GRID2: variants seen among roughly 807,000 people sequenced by gnomAD.
The protein encoded by GRID2 is glutamate receptor ionotropic, delta-2.
A neutral mutation model predicts 114.8 loss-of-function variants in GRID2; 33 were observed. The observed-to-expected ratio is 0.29, with a 90% CI of 0.22 to 0.38. GRID2 has a LOEUF of 0.38. Ranked by LOEUF, GRID2 falls within the 10% of genes least tolerant of loss-of-function variation. GRID2 has a pLI of 1.00. For synonymous variants in GRID2, 505 were observed against 449.9 expected (o/e 1.12, Z -1.55); for missense variants, 1,184 against 1,257.7 (o/e 0.94, Z 0.89).
chr4:92,943,346 T>C (rs1751330243), intron 2 of GRID2, among the ~76,000 whole-genome samples: 1 of 152,192 alleles, frequency 6.6e-6, no homozygotes, highest in Non-Finnish European at 1.5e-5. Flanking sequence ...CCATCACTGA[T>C]ACCCTTTCTT....
At position 92,483,613 on chromosome 4, in the gene GRID2, A is replaced by G. The variant is rs539091892; in HGVS notation, c.89-106518A>G. 1.2e-4 allele frequency among the ~76,000 whole-genome samples: 18 copies of G among 152,270 alleles called. No individual in the cohort carries two copies. The East Asian group carries it at 3.3e-3, about 28-fold the overall frequency. ...CACCAACCACAAGATTCAGGGAGCA[A>G]TCAGATTTCAGAATGTGATTACCAA... On this transcript the variant is annotated intron_variant, in intron 1 of 15. Coordinates refer to ENST00000282020, the MANE Select transcript of GRID2 (RefSeq NM_001510.4).
intron 2 of GRID2, among the ~76,000 whole-genome samples, chr4:92,837,696 T>C (rs185149746): frequency 6.6e-6 from 1 of 152,204 alleles, no homozygotes; most frequent in African/African-American, 2.4e-5. Flanking sequence ...GGCATACTAA[T>C]ATACTATTAT....
At chr4:92,735,814 C>T (rs1176069930) in intron 2 of GRID2, among the ~76,000 whole-genome samples, 1 of 151,930 alleles carries the variant, frequency 6.6e-6, no homozygotes, top group Non-Finnish European at 1.5e-5. Context: ...CTTGATAGTA[C>T]TTGTTCTCAA....
chr4:93,208,764 C>T (rs1349700136), intron 5 of GRID2, among the ~76,000 whole-genome samples: 2 of 151,868 alleles, frequency 1.3e-5, no homozygotes, highest in Non-Finnish European at 2.9e-5. Flanking sequence ...CTGTATTTCT[C>T]ATGTCAAAAT....
intron 1 of GRID2, among the ~76,000 whole-genome samples, chr4:92,492,165 G>T (rs554473708): frequency 6.6e-5 from 10 of 152,242 alleles, no homozygotes; most frequent in African/African-American, 2.4e-4. Flanking sequence ...AGTAAACAGA[G>T]TCTTTGAATC....
At chr4:92,806,154 A>G (rs1190091609) in intron 2 of GRID2, among the ~76,000 whole-genome samples, 1 of 148,114 alleles carries the variant, frequency 6.8e-6, no homozygotes, top group Non-Finnish European at 1.5e-5. Context: ...ATCTATTAGA[A>G]AATAGGCTAT....
chr4:92,738,957 A>G (rs1034517264), intron 2 of GRID2, among the ~76,000 whole-genome samples: 1 of 152,152 alleles, frequency 6.6e-6, no homozygotes, highest in African/African-American at 2.4e-5. Context: ...CAGGCGCCGT[A>G]ACACACAGTA....
chr4:93,016,404 A>C (rs944325911), intron 2 of GRID2, among the ~76,000 whole-genome samples: 1 of 152,116 alleles, frequency 6.6e-6, no homozygotes, highest in Non-Finnish European at 1.5e-5. Flanking sequence ...CTGTAAATTA[A>C]TTTATGTTGC....
intron 4 of GRID2, among the ~76,000 whole-genome samples, chr4:93,117,670 A>C (rs1056935338): frequency 3.9e-5 from 6 of 151,982 alleles, no homozygotes; most frequent in Non-Finnish European, 8.8e-5. Flanking sequence ...TTGTGCTTTC[A>C]TCAGTGATTT....
intron 8 of GRID2, among the ~76,000 whole-genome samples, chr4:93,312,393 C>T (rs1178063045): frequency 6.6e-6 from 1 of 152,166 alleles, no homozygotes; most frequent in Non-Finnish European, 1.5e-5. Flanking sequence ...TACTAAATTT[C>T]CTCCAGACAT....
chr4:92,665,092 A>G (rs887212499), intron 2 of GRID2, among the ~76,000 whole-genome samples: 1 of 149,812 alleles, frequency 6.7e-6, no homozygotes, highest in Admixed American at 6.7e-5. Context: ...AGCATTATAA[A>G]TTTTTTGTCC....
intron 3 of GRID2, among the ~76,000 whole-genome samples, chr4:93,099,919 T>C (rs1416145609): frequency 6.6e-6 from 1 of 151,896 alleles, no homozygotes; most frequent in Non-Finnish European, 1.5e-5. Context: ...ATTGCAAATG[T>C]TTATGATTAC....
Position 92,590,120 on chromosome 4 carries a change from C to A in GRID2, c.89-11C>A. On this transcript the variant is annotated splice_polypyrimidine_tract_variant and intron_variant, in intron 1 of 15. Transcript: ENST00000282020. ...TGTTATTATTTAATGGCAAAATTCACTTCTTTCTAGGAGCAATTTTTGATG... is the reference window on the plus strand; with the variant it reads ...TGTTATTATTTAATGGCAAAATTCAATTCTTTCTAGGAGCAATTTTTGATG... The A allele has an allele frequency of 6.3e-7, 1 of 1,596,308 alleles. No homozygotes were observed. The highest frequency in any genetic ancestry group is 1.1e-5 in the South Asian group (1 of 90,300).
At chr4:93,601,326 C>A (rs983966101) in intron 13 of GRID2, among the ~76,000 whole-genome samples, 2 of 152,160 alleles carry the variant, frequency 1.3e-5, no homozygotes, top group South Asian at 4.1e-4. Context: ...TGACTCACCC[C>A]TCTCCTATAC....
chr4:93,508,533 G>A (rs1327762983), intron 12 of GRID2, among the ~76,000 whole-genome samples: 1 of 152,100 alleles, frequency 6.6e-6, no homozygotes, highest in East Asian at 1.9e-4. Flanking sequence ...TTCTGGTCAT[G>A]ATTAGTCAGC....
chr4:93,169,103 T>G (rs1310413152), intron 4 of GRID2, among the ~76,000 whole-genome samples: 1 of 151,264 alleles, frequency 6.6e-6, no homozygotes. Flanking sequence ...CCCTGAAAGT[T>G]ATATTATTCT....
chr4:92,467,063 ATTG>A (rs1721794909), intron 1 of GRID2, among the ~76,000 whole-genome samples: 1 of 151,786 alleles, frequency 6.6e-6, no homozygotes. Flanking sequence ...CATTTTAATT[ATTG>A]TTATCAAATT....
At chr4:92,371,892 A>G (rs1341917733) in intron 1 of GRID2, among the ~76,000 whole-genome samples, 1 of 152,204 alleles carries the variant, frequency 6.6e-6, no homozygotes, top group Admixed American at 6.5e-5. Context: ...GAGAACATTC[A>G]TTATTCATGG....
rs188886787 is a variant in GRID2 at position 93,020,102 on chromosome 4, G to T, written c.245-64893G>T. 3.2e-3 allele frequency among the ~76,000 whole-genome samples: 494 copies of T among 152,008 alleles called. 3 individuals are homozygous for T. The highest frequency in any genetic ancestry group is 3.7e-3 in the Non-Finnish European group (251 of 68,008). ...AAATAGCACTTACTTTGTGTGTATT[G>T]TTGATGAATTCACAAACCAGTAATT... is the stretch of plus-strand genomic sequence containing the variant. On this transcript the variant is annotated intron_variant, in intron 2 of 15. Transcript: ENST00000282020.
Sources: allele counts gnomAD v4.1 joint callset (sites outside exome capture counted in the v4.1 genomes callset), GRCh38; gene constraint gnomAD v4.1.1; transcripts MANE v1.5; gene names NCBI Gene and HGNC (gene_info 2026-07-23, HGNC 2026-07-21).